DZIP3: variants seen among roughly 807,000 people sequenced by gnomAD.
The protein encoded by DZIP3 is E3 ubiquitin-protein ligase DZIP3.
DZIP3 carries 118 observed loss-of-function variants against 162.0 expected under a neutral mutation model. The observed-to-expected ratio is 0.73, with a 90% CI of 0.63 to 0.85. The LOEUF (loss-of-function observed/expected upper bound fraction) is 0.85. Ranked by LOEUF, DZIP3 falls within the 40% of genes least tolerant of loss-of-function variation. DZIP3 has a pLI of 0.00. For missense variants in DZIP3, 1,331 were observed against 1,407.0 expected, an observed-to-expected ratio of 0.95 and a Z score of 0.86; for synonymous variants, 438 against 458.6, an observed-to-expected ratio of 0.96 and a Z score of 0.57.
chr3:108,629,938 C>G (rs1941758088), intron 8 of DZIP3, among the ~76,000 whole-genome samples: 1 of 151,874 alleles, frequency 6.6e-6, no homozygotes, highest in African/African-American at 2.4e-5. Context: ...TAAGTTTATT[C>G]TAAATATTTC....
At chr3:108,657,930 G>C (rs1391563163) in intron 19 of DZIP3, among the ~76,000 whole-genome samples, 1 of 152,182 alleles carries the variant, frequency 6.6e-6, no homozygotes, top group East Asian at 1.9e-4. Context: ...AATTAAACAA[G>C]AAGAGCTAAC....
At chr3:108,591,891 G>A (rs1275818091) in intron 1 of DZIP3, among the ~76,000 whole-genome samples, 2 of 151,814 alleles carry the variant, frequency 1.3e-5, no homozygotes, top group Non-Finnish European at 2.9e-5. Context: ...AGCTACTCTG[G>A]AGGCTGAGTT....
In DZIP3 at chr3:108,605,455, C is replaced by T. The variant is rs112131220; in HGVS notation, c.32+17C>T. ...TTTTGTGAGGTAAGGCCACAGTCCC[C>T]AACCTTTTTGGCACCATGGACTGGT... On this transcript the variant is annotated intron_variant, in intron 2 of 32. Coordinates refer to ENST00000361582, the MANE Select transcript of DZIP3 (RefSeq NM_014648.4). 3.2e-5 allele frequency: 51 copies of T among 1,612,576 alleles called. No individual in the cohort carries two copies. The African/African-American group carries it at 5.7e-4, about 18-fold the overall frequency.
At chr3:108,661,477 G>A (rs1943430397) in intron 19 of DZIP3, among the ~76,000 whole-genome samples, 1 of 152,148 alleles carries the variant, frequency 6.6e-6, no homozygotes, top group South Asian at 2.1e-4. Flanking sequence ...ACACATCGGG[G>A]CCTGTTGTGA....
At chr3:108,631,044 C>CAT (rs1941819723) in intron 8 of DZIP3, among the ~76,000 whole-genome samples, 2 of 109,430 alleles carry the variant, frequency 1.8e-5, no homozygotes, top group African/African-American at 3.7e-5. Flanking sequence ...CACACACACA[C>CAT]ACACACACAC....
chr3:108,670,505 T>C (rs1383346145), intron 22 of DZIP3, among the ~76,000 whole-genome samples: 4 of 151,990 alleles, frequency 2.6e-5, no homozygotes, highest in Non-Finnish European at 5.9e-5. Flanking sequence ...TTCCATTCCT[T>C]GGCTATACCT....
intron 24 of DZIP3, 61 bp downstream of exon 24, chr3:108,674,242 G>A (rs1431407863): frequency 8.7e-6 from 12 of 1,380,344 alleles, no homozygotes; most frequent in South Asian, 1.2e-5. Flanking sequence ...GTGTCTCCAC[G>A]GTTGAATATA....
chr3:108,609,012 G>C (rs1940549440), intron 3 of DZIP3, among the ~76,000 whole-genome samples: 1 of 152,164 alleles, frequency 6.6e-6, no homozygotes, highest in African/African-American at 2.4e-5. Flanking sequence ...GGCGGCAGGA[G>C]AGAAAGAGAC....
At chr3:108,591,829 C>T (rs1342935998) in intron 1 of DZIP3, among the ~76,000 whole-genome samples, 1 of 151,982 alleles carries the variant, frequency 6.6e-6, no homozygotes, top group East Asian at 1.9e-4. Context: ...AACGCCATCT[C>T]TACAAAAAAT....
chr3:108,609,476 G>A (rs928657956), intron 3 of DZIP3, among the ~76,000 whole-genome samples: 2 of 152,094 alleles, frequency 1.3e-5, no homozygotes, highest in African/African-American at 4.8e-5. Flanking sequence ...CCTGAATTTT[G>A]TTTAGATATT....
rs1347339990 is a variant in DZIP3 at position 108,622,164 on chromosome 3, G to A, written c.376-2280G>A. Among the ~76,000 whole-genome samples the A allele has an allele frequency of 2.6e-5, 4 of 152,210 alleles. No homozygotes were observed. The East Asian group carries it at 7.7e-4, about 29-fold the overall frequency. On this transcript the variant is annotated intron_variant, in intron 5 of 32. Transcript: ENST00000361582. ...TTTGCATGTTCTCACTCATTTTTGGGAGCCAAAAATTAAAACAAGTGAACT... is the reference window on the plus strand; with the variant it reads ...TTTGCATGTTCTCACTCATTTTTGGAAGCCAAAAATTAAAACAAGTGAACT...
intron 26 of DZIP3, among the ~76,000 whole-genome samples, chr3:108,682,290 T>C (rs1177520973): frequency 6.6e-6 from 1 of 150,846 alleles, no homozygotes; most frequent in East Asian, 1.9e-4. Flanking sequence ...GGAAAGGACA[T>C]GAAGTCAAGT....
chr3:108,637,897 C>T, intron 12 of DZIP3, among the ~76,000 whole-genome samples: 1 of 152,112 alleles, frequency 6.6e-6, no homozygotes, highest in East Asian at 1.9e-4. Flanking sequence ...TTAGAATCTT[C>T]CTGTTTCTTA....
chr3:108,691,112 T>C lies in DZIP3; in HGVS notation c.*6+209T>C, dbSNP rs28372335. 8.5e-3 allele frequency: 3,633 copies of C among 425,774 alleles called. 113 individuals carry two copies. Among genetic ancestry groups the C allele is most frequent in the African/African-American group, 0.067 (3,307 of 49,702 alleles). The allele number at this position is 425,774 out of a possible 1,614,324, so 26.4% of individuals were successfully genotyped here. A position where few individuals can be genotyped will look rare whatever the true frequency, so the allele number is the denominator to read the frequency against. ...AGATGGAATTTTAATAGTTACACTA[T>C]ATATGCTCTTAGTAGGTTTTTTTCT... is the stretch of plus-strand genomic sequence containing the variant. On this transcript the variant is annotated intron_variant, in intron 32 of 32. Coordinates refer to ENST00000361582, the MANE Select transcript of DZIP3 (RefSeq NM_014648.4).
intron 11 of DZIP3, 149 bp downstream of exon 11, chr3:108,636,857 C>A: frequency 3.6e-6 from 2 of 561,150 alleles, no homozygotes; most frequent in Non-Finnish European, 6.2e-6. Context: ...CTTTTTATTA[C>A]CATGATTTAT....
At chr3:108,621,710 A>G (rs565137337) in intron 5 of DZIP3, among the ~76,000 whole-genome samples, 1 of 152,206 alleles carries the variant, frequency 6.6e-6, no homozygotes, top group African/African-American at 2.4e-5. Flanking sequence ...GGTTCCTCAA[A>G]AAACTGAAAA....
At chr3:108,617,024 A>G (rs1252208558) in intron 5 of DZIP3, among the ~76,000 whole-genome samples, 1 of 152,236 alleles carries the variant, frequency 6.6e-6, no homozygotes, top group African/African-American at 2.4e-5. Flanking sequence ...TAGAAGGACA[A>G]ATACTGCATG....
chr3:108,626,494 T>G (rs1385195858), intron 7 of DZIP3, among the ~76,000 whole-genome samples: 1 of 152,166 alleles, frequency 6.6e-6, no homozygotes, highest in African/African-American at 2.4e-5. Flanking sequence ...AAATGCTGAG[T>G]TTTTGGAGTA....
Position 108,605,483 on chromosome 3 carries a change from C to T in DZIP3, c.32+45C>T, listed in dbSNP as rs376874550. ...CCTTTTTGGCACCATGGACTGGTTTCGTGGAAAACAATTTTTCCACGGATG... is the reference window on the plus strand; with the variant it reads ...CCTTTTTGGCACCATGGACTGGTTTTGTGGAAAACAATTTTTCCACGGATG... On this transcript the variant is annotated intron_variant, in intron 2 of 32. Transcript: ENST00000361582. 242 of 1,596,702 alleles carry T rather than the reference C, an allele frequency of 1.5e-4. No homozygotes were observed. The African/African-American group carries it at 2.0e-3, about 13-fold the overall frequency.
Sources: gnomAD v4.1 joint callset for allele counts (sites outside exome capture counted in the v4.1 genomes callset) on GRCh38, gnomAD v4.1.1 for gene constraint, MANE v1.5 for transcripts, NCBI Gene and HGNC (gene_info 2026-07-23, HGNC 2026-07-21) for gene names.